Variants in GPR158 observed in about 807,000 individuals in gnomAD.
GPR158 encodes metabotropic glycine receptor.
GPR158 carries 30 observed loss-of-function variants against 78.2 expected under a neutral mutation model. The ratio of observed to expected loss-of-function variants is 0.38; its 90% CI spans 0.29 to 0.52. The LOEUF (loss-of-function observed/expected upper bound fraction) is 0.52, where lower values mean the gene tolerates loss of function less well. GPR158 is among the 20% of genes least tolerant of loss of function. The pLI is 0.83. For synonymous variants in GPR158, 581 were observed against 591.1 expected, an observed-to-expected ratio of 0.98 and a Z score of 0.25; for missense variants, 1,463 against 1,523.5, an observed-to-expected ratio of 0.96 and a Z score of 0.66.
chr10:25,401,598 CTTAT>C (rs977878505), intron 3 of GPR158, among the ~76,000 whole-genome samples: 23 of 152,122 alleles, frequency 1.5e-4, no homozygotes, highest in Admixed American at 1.4e-3. Context: ...GACTTTTCCT[CTTAT>C]TTAACATAAT....
intron 2 of GPR158, among the ~76,000 whole-genome samples, chr10:25,387,265 G>A (rs1037701328): frequency 6.6e-6 from 1 of 152,128 alleles, no homozygotes; most frequent in Non-Finnish European, 1.5e-5. Flanking sequence ...GTTGATGTGT[G>A]TAACTACACT....
At chr10:25,585,009 A>T (rs1399589248) in intron 7 of GPR158, among the ~76,000 whole-genome samples, 1 of 152,216 alleles carries the variant, frequency 6.6e-6, no homozygotes, top group Non-Finnish European at 1.5e-5. Context: ...CCTTATTTGG[A>T]TATTGTCCAG....
At chr10:25,338,323 G>C (rs972166048) in intron 2 of GPR158, among the ~76,000 whole-genome samples, 8 of 148,560 alleles carry the variant, frequency 5.4e-5, no homozygotes, top group African/African-American at 2.0e-4. Flanking sequence ...TATAAATTCT[G>C]TTGATTCCAG....
chr10:25,355,737 G>A (rs1017210571), intron 2 of GPR158, among the ~76,000 whole-genome samples: 2 of 151,946 alleles, frequency 1.3e-5, no homozygotes, highest in Admixed American at 6.6e-5. Flanking sequence ...TAATCTTTTG[G>A]CACATTGCTT....
chr10:25,241,461 C>T (rs188075007), intron 2 of GPR158, among the ~76,000 whole-genome samples: 211 of 148,634 alleles, frequency 1.4e-3, no homozygotes, highest in African/African-American at 5.1e-3. Context: ...TGCTCCATCT[C>T]CCAGGCTGGA....
intron 4 of GPR158, among the ~76,000 whole-genome samples, chr10:25,453,332 A>G (rs1371914840): frequency 6.6e-6 from 1 of 152,150 alleles, no homozygotes; most frequent in Non-Finnish European, 1.5e-5. Context: ...ACTAATTTAC[A>G]TTCATCCCAC....
chr10:25,332,206 G>A (rs1855135298), intron 2 of GPR158, among the ~76,000 whole-genome samples: 1 of 152,158 alleles, frequency 6.6e-6, no homozygotes. Context: ...TGATTCTGAT[G>A]TGCTGACAAG....
At chr10:25,595,654 A>G (rs1042978694) in intron 9 of GPR158, among the ~76,000 whole-genome samples, 3 of 152,262 alleles carry the variant, frequency 2.0e-5, no homozygotes, top group African/African-American at 7.2e-5. Flanking sequence ...GCATGATTCC[A>G]TTTATGTGAA....
At chr10:25,225,045 A>G (rs934595378) in intron 2 of GPR158, among the ~76,000 whole-genome samples, 1 of 152,140 alleles carries the variant, frequency 6.6e-6, no homozygotes, top group African/African-American at 2.4e-5. Flanking sequence ...ACTTGAAAAG[A>G]CTTTCTCATG....
At chr10:25,280,580 C>T (rs527750449) in intron 2 of GPR158, among the ~76,000 whole-genome samples, 56 of 152,246 alleles carry the variant, frequency 3.7e-4, no homozygotes, top group Admixed American at 6.5e-4. Context: ...AGATTAACCA[C>T]ATAGTTAAGA....
intron 4 of GPR158, among the ~76,000 whole-genome samples, chr10:25,450,869 C>T (rs951620978): frequency 6.6e-6 from 1 of 152,112 alleles, no homozygotes; most frequent in African/African-American, 2.4e-5. Context: ...AATCTGCCAT[C>T]AAGAGTTAGA....
At chr10:25,311,283 T>A (rs755110098) in intron 2 of GPR158, among the ~76,000 whole-genome samples, 2 of 151,994 alleles carry the variant, frequency 1.3e-5, no homozygotes, top group African/African-American at 4.8e-5. Context: ...CTTTATGACA[T>A]TGAGCTTTTC....
intron 1 of GPR158, among the ~76,000 whole-genome samples, chr10:25,185,414 G>T (rs1852669047): frequency 6.6e-6 from 1 of 152,142 alleles, no homozygotes; most frequent in Admixed American, 6.5e-5. Flanking sequence ...TATGTCATCA[G>T]GGCTCAAAAA....
chr10:25,510,180 G>A (rs557186554), intron 5 of GPR158, among the ~76,000 whole-genome samples: 91 of 152,204 alleles, frequency 6.0e-4, no homozygotes, highest in Non-Finnish European at 1.2e-3. Context: ...GGAAAATAGA[G>A]TCTTCCACAG....
chr10:25,574,800 G>C (rs988509839), intron 7 of GPR158, among the ~76,000 whole-genome samples: 1 of 152,108 alleles, frequency 6.6e-6, no homozygotes, highest in South Asian at 2.1e-4. Context: ...CAGAAGAATC[G>C]CTTGAACCCA....
chr10:25,416,756 G>A (rs1214933331), intron 4 of GPR158, among the ~76,000 whole-genome samples: 1 of 152,152 alleles, frequency 6.6e-6, no homozygotes, highest in Non-Finnish European at 1.5e-5. Flanking sequence ...CAGCCCCTGA[G>A]AGATTAAGTT....
chr10:25,320,335 T>C (rs1438050679), intron 2 of GPR158, among the ~76,000 whole-genome samples: 2 of 152,178 alleles, frequency 1.3e-5, no homozygotes, highest in Non-Finnish European at 2.9e-5. Context: ...GTGTTAGAAA[T>C]CTTTAAGTTG....
intron 7 of GPR158, among the ~76,000 whole-genome samples, chr10:25,582,456 A>T (rs1837215981): frequency 1.3e-5 from 2 of 152,232 alleles, no homozygotes; most frequent in African/African-American, 4.8e-5. Flanking sequence ...GAAAATAAGG[A>T]AAAAATATCT....
intron 2 of GPR158, among the ~76,000 whole-genome samples, chr10:25,393,055 T>C (rs754564497): frequency 4.6e-5 from 7 of 152,236 alleles, no homozygotes; most frequent in Non-Finnish European, 1.0e-4. Flanking sequence ...TTTCTGTGTT[T>C]TATGTAATAA....
Sources: gnomAD v4.1 joint callset for allele counts (sites outside exome capture counted in the v4.1 genomes callset) on GRCh38, gnomAD v4.1.1 for gene constraint, MANE v1.5 for transcripts, NCBI Gene and HGNC (gene_info 2026-07-23, HGNC 2026-07-21) for gene names.